CALHM4: variants seen among roughly 807,000 people sequenced by gnomAD.
CALHM4 encodes the protein calcium homeostasis modulator family member 4.
CALHM4 carries 16 observed loss-of-function variants against 13.3 expected under a neutral mutation model. The ratio of observed to expected loss-of-function variants is 1.20; its 90% CI spans 0.81 to 1.82. The LOEUF (loss-of-function observed/expected upper bound fraction) is 1.82, where lower values mean the gene tolerates loss of function less well. CALHM4 is among the 40% of genes most tolerant of loss of function. The probability of loss-of-function intolerance (pLI) is 0.00; values close to 1 mark genes in which losing one functional copy is unlikely to be tolerated. For missense variants in CALHM4, 344 were observed against 374.9 expected (o/e 0.92, Z 0.68); for synonymous variants, 127 against 137.1 (o/e 0.93, Z 0.52).
chr6:116,529,429 A>T (rs888568659), intron 1 of CALHM4, among the ~76,000 whole-genome samples: 11 of 152,212 alleles, frequency 7.2e-5, no homozygotes, highest in African/African-American at 2.7e-4. Flanking sequence ...GAAGGGAAAT[A>T]TGGGGTAGCC....
chr6:116,556,592 C>T (rs1012767690), intron 1 of CALHM4, among the ~76,000 whole-genome samples: 4 of 152,214 alleles, frequency 2.6e-5, no homozygotes, highest in Non-Finnish European at 5.9e-5. Context: ...TGGTAAATCA[C>T]AAGATGCAGA....
chr6:116,560,650 T>TGG lies in CALHM4; in HGVS notation c.*2452_*2453dup, dbSNP rs34461745. On this transcript the variant is annotated 3_prime_UTR_variant, in exon 2 of 2. Transcript: ENST00000368596. ...CAAATAAATGGAATTTTTAGTATTT[T>TGG]GGGGGGGGGGGGGGCTATGGTCTAT... Among the ~76,000 whole-genome samples, 11 of 121,134 alleles carry TGG rather than the reference T, an allele frequency of 9.1e-5. No homozygotes were observed. Among genetic ancestry groups the TGG allele is most frequent in the South Asian group, 2.8e-4 (1 of 3,536 alleles). The allele number at this position is 121,134 out of a possible 152,430, so 79.5% of individuals were successfully genotyped here.
Position 116,553,930 on chromosome 6 carries a change from GA to G in CALHM4, c.143del (p.Asn48IlefsTer14), listed in dbSNP as rs1562364010. 6.4e-7 allele frequency: 1 copy of G among 1,550,630 alleles called. No homozygotes were observed. The highest frequency in any genetic ancestry group is 2.0e-5 in the Admixed American group (1 of 50,998). ...ACATTCAGCTGTCCTTGTCAGGTTG[GA>G]AAAAATTTCTATTATGGTTCTGCTT... Reference protein sequence around the residue: ...SSTFSCPCQVGKNFYYGSAFL... With the variant: ...SSTFSCPCQVXKNFYYGSAFL... On this transcript the variant is annotated frameshift_variant, in exon 1 of 2. Coordinates refer to ENST00000368596, the MANE Select transcript of CALHM4 (RefSeq NM_001366078.2). LOFTEE classifies it high-confidence loss of function.
intron 2 of CALHM4, chr6:116,543,894 T>G (rs1773611349): frequency 6.6e-7 from 1 of 1,510,420 alleles, no homozygotes; most frequent in Non-Finnish European, 8.9e-7. Flanking sequence ...TTCTTTTTAC[T>G]TAGAGAAAAA....
At position 116,540,455 on chromosome 6, in the gene CALHM4, C is replaced by T. The variant is rs751059408; in HGVS notation, c.-108-3310C>T. 3.2e-6 allele frequency: 5 copies of T among 1,551,202 alleles called. No individual in the cohort carries two copies. The South Asian group carries it at 4.8e-5, about 15-fold the overall frequency. On this transcript the variant is annotated intron_variant, in intron 1 of 2. Coordinates refer to the CALHM4 transcript ENST00000368597. ...TCTTCCACAAGCCGCGTTCCAATGC[C>T]GTAACCCCTGTGGATGACGGAAAGA...
At chr6:116,547,368 C>T (rs1344121245) in intron 2 of CALHM4, among the ~76,000 whole-genome samples, 1 of 152,098 alleles carries the variant, frequency 6.6e-6, no homozygotes, top group African/African-American at 2.4e-5. Flanking sequence ...TTATGGCCAT[C>T]GGGAGAATTC....
At chr6:116,531,180 A>C (rs1772697010) in intron 1 of CALHM4, among the ~76,000 whole-genome samples, 1 of 151,962 alleles carries the variant, frequency 6.6e-6, no homozygotes, top group South Asian at 2.1e-4. Flanking sequence ...ACCTAGCATG[A>C]AACTCTACTT....
chr6:116,540,502 A>G, intron 1 of CALHM4: 1 of 1,532,524 alleles, frequency 6.5e-7, no homozygotes, highest in South Asian at 1.2e-5. Context: ...AAATTCTAAG[A>G]AATTAGTGAA....
upstream of CALHM4, among the ~76,000 whole-genome samples, chr6:116,552,303 A>G (rs756772187): frequency 6.6e-6 from 1 of 151,796 alleles, no homozygotes; most frequent in African/African-American, 2.4e-5. Context: ...AAGAATATCT[A>G]TTTTTTCACA....
At chr6:116,557,740 T>G (rs546286199) in intron 1 of CALHM4, 85 bp from the exon 2 acceptor site, 2 of 1,465,828 alleles carry the variant, frequency 1.4e-6, no homozygotes, top group South Asian at 2.7e-5. Context: ...TTCTTAGGTT[T>G]GTAGGAATCC....
intron 1 of CALHM4, chr6:116,543,241 A>G (rs1773571790): frequency 9.4e-6 from 12 of 1,277,068 alleles, no homozygotes; most frequent in Non-Finnish European, 1.3e-5. Flanking sequence ...TTAGAGGCAG[A>G]AAGAATGCAG....
intron 1 of CALHM4, among the ~76,000 whole-genome samples, chr6:116,536,771 T>C (rs1773122889): frequency 6.6e-6 from 1 of 152,104 alleles, no homozygotes; most frequent in African/African-American, 2.4e-5. Context: ...AGCCATTAGG[T>C]TCTATTCTTG....
At chr6:116,551,599 T>C (rs1774083750), upstream of CALHM4, among the ~76,000 whole-genome samples, 1 of 152,212 alleles carries the variant, frequency 6.6e-6, no homozygotes, top group South Asian at 2.1e-4. Flanking sequence ...TAATACTTTG[T>C]TGATTCATTC....
intron 2 of CALHM4, chr6:116,545,386 T>C (rs1773718815): frequency 2.6e-6 from 3 of 1,175,202 alleles, no homozygotes; most frequent in South Asian, 1.5e-5. Flanking sequence ...AAAATTCTTA[T>C]AGCATCAGTT....
At position 116,553,844 on chromosome 6, in the gene CALHM4, A is replaced by G; in HGVS notation, c.51A>G (p.Ile17Met). 1 of 1,550,654 alleles carries G rather than the reference A, an allele frequency of 6.4e-7. No homozygotes were observed. Among genetic ancestry groups the G allele is most frequent in the African/African-American group, 1.4e-5 (1 of 73,188 alleles). ...NIVSSLQRNG[I>M]FINSLIAALT... Reference sequence around the variant, plus strand: ...TGTCTTCTCTGCAGAGAAATGGAATATTTATCAATTCTTTAATTGCAGCCT... The same window carrying G: ...TGTCTTCTCTGCAGAGAAATGGAATGTTTATCAATTCTTTAATTGCAGCCT... Residue 17 changes from isoleucine to methionine, a missense_variant, in exon 1 of 2, where the codon ATA becomes ATG. Physicochemically the swap from Ile to Met is conservative, Grantham distance 10. Coordinates refer to ENST00000368596, the MANE Select transcript of CALHM4 (RefSeq NM_001366078.2).
upstream of CALHM4, among the ~76,000 whole-genome samples, chr6:116,551,768 C>T (rs1774090819): frequency 6.6e-6 from 1 of 152,128 alleles, no homozygotes; most frequent in South Asian, 2.1e-4. Flanking sequence ...AGATGTATGG[C>T]TACCTTTTAA....
At chr6:116,533,068 A>G (rs908417395) in intron 1 of CALHM4, among the ~76,000 whole-genome samples, 1 of 152,208 alleles carries the variant, frequency 6.6e-6, no homozygotes, top group Non-Finnish European at 1.5e-5. Flanking sequence ...GTGGTAGCTT[A>G]AGGGCCAGTC....
intron 1 of CALHM4, among the ~76,000 whole-genome samples, chr6:116,534,468 T>A (rs1170604301): frequency 2.6e-5 from 4 of 151,826 alleles, no homozygotes; most frequent in African/African-American, 7.3e-5. Context: ...GAAAAAAAAA[T>A]ATGACTAGTA....
At chr6:116,549,018 T>G (rs1412218589), upstream of CALHM4, among the ~76,000 whole-genome samples, 1 of 152,182 alleles carries the variant, frequency 6.6e-6, no homozygotes, top group East Asian at 1.9e-4. Flanking sequence ...GGCATGGTGG[T>G]TCACGTCTGT....
Sources: allele counts gnomAD v4.1 joint callset (sites outside exome capture counted in the v4.1 genomes callset), GRCh38; gene constraint gnomAD v4.1.1; transcripts MANE v1.5; gene names NCBI Gene and HGNC (gene_info 2026-07-23, HGNC 2026-07-21).